FMN1: variants seen among roughly 807,000 people sequenced by gnomAD.
FMN1 encodes the protein formin-1.
FMN1 carries 110 observed loss-of-function variants against 132.4 expected under a neutral mutation model. The ratio of observed to expected loss-of-function variants is 0.83; its 90% CI spans 0.71 to 0.97. The LOEUF (loss-of-function observed/expected upper bound fraction) is 0.97, where lower values mean the gene tolerates loss of function less well. Among genes scored for constraint, FMN1 ranks in the 50% least tolerant of loss-of-function variants. The pLI, the probability that FMN1 is intolerant of heterozygous loss-of-function variation, is 0.00. For missense variants in FMN1, 1,792 were observed against 1,705.3 expected, an observed-to-expected ratio of 1.05 and a Z score of -0.90; for synonymous variants, 722 against 651.7, an observed-to-expected ratio of 1.11 and a Z score of -1.64.
chr15:32,901,752 T>TAC (rs991226656), intron 13 of FMN1, among the ~76,000 whole-genome samples, 159 bp downstream of exon 13: 35 of 151,974 alleles, frequency 2.3e-4, no homozygotes, highest in African/African-American at 8.0e-4. Flanking sequence ...CTCTCTCTCA[T>TAC]ACACACACAC....
chr15:33,007,619 C>T (rs2034486384), intron 7 of FMN1, among the ~76,000 whole-genome samples: 1 of 152,098 alleles, frequency 6.6e-6, no homozygotes, highest in Non-Finnish European at 1.5e-5. Context: ...CATCATATTG[C>T]AGGGATGTGC....
At chr15:33,083,653 A>T (rs544143118) in intron 5 of FMN1, among the ~76,000 whole-genome samples, 1 of 152,164 alleles carries the variant, frequency 6.6e-6, no homozygotes, top group Non-Finnish European at 1.5e-5. Context: ...ATCCTTTGTA[A>T]TAAATTGGTA....
chr15:32,811,639 C>T (rs2057881131), intron 17 of FMN1, among the ~76,000 whole-genome samples: 1 of 151,312 alleles, frequency 6.6e-6, no homozygotes, highest in South Asian at 2.1e-4. Context: ...TCAGACTTTG[C>T]AGACCTTGTC....
chr15:33,062,043 C>T (rs917783501), intron 6 of FMN1, among the ~76,000 whole-genome samples: 7 of 152,034 alleles, frequency 4.6e-5, no homozygotes, highest in African/African-American at 1.2e-4. Flanking sequence ...AACTTCCACA[C>T]ATCAGACAAC....
At position 33,058,528 on chromosome 15, in the gene FMN1, A is replaced by T. The variant is rs2037338744; in HGVS notation, c.2161+6429T>A. 2.0e-5 allele frequency among the ~76,000 whole-genome samples: 3 copies of T among 152,232 alleles called. No homozygotes were observed. The South Asian group carries it at 6.2e-4, about 32-fold the overall frequency. On this transcript the variant is annotated intron_variant, in intron 6 of 20. Coordinates refer to ENST00000616417, the MANE Select transcript of FMN1 (RefSeq NM_001277313.2). The stretch of plus-strand genomic sequence containing the variant: ...GAATGAACCTCACCTTAACTTTCCA[A>T]GAATCCACAGCCTAGAAGCATTTTT...
chr15:32,930,270 A>T (rs536731920), intron 9 of FMN1, among the ~76,000 whole-genome samples: 47 of 152,208 alleles, frequency 3.1e-4, no homozygotes, highest in African/African-American at 1.1e-3. Flanking sequence ...TACAGGCGTG[A>T]GCCACCGTCC....
At chr15:33,112,414 A>T (rs1407941058) in intron 4 of FMN1, among the ~76,000 whole-genome samples, 4 of 152,190 alleles carry the variant, frequency 2.6e-5, no homozygotes, top group African/African-American at 9.6e-5. Flanking sequence ...GTTTTCTTAC[A>T]TAATTCTTTT....
At chr15:32,974,466 T>C (rs1036801713) in intron 7 of FMN1, among the ~76,000 whole-genome samples, 22 of 152,214 alleles carry the variant, frequency 1.4e-4, no homozygotes, top group Non-Finnish European at 5.9e-5. Context: ...GAGAGGACAA[T>C]GCCAATTAAA....
At chr15:32,930,021 G>A (rs144396647) in intron 9 of FMN1, among the ~76,000 whole-genome samples, 28 of 108,076 alleles carry the variant, frequency 2.6e-4, no homozygotes, top group African/African-American at 8.5e-4. Context: ...CTGGAGTCTC[G>A]TTCTGTCATC....
intron 7 of FMN1, among the ~76,000 whole-genome samples, chr15:33,001,566 TC>T (rs398026773): frequency 3.4e-4 from 33 of 96,706 alleles, no homozygotes; most frequent in African/African-American, 1.2e-3. Context: ...TCCTCCCACT[TC>T]CCCCCCCACC....
chr15:32,869,132 G>A (rs1051309550), intron 16 of FMN1, among the ~76,000 whole-genome samples: 4 of 152,140 alleles, frequency 2.6e-5, no homozygotes, highest in Admixed American at 6.5e-5. Flanking sequence ...TGATGAGAAC[G>A]CACGGGCCAT....
chr15:33,086,488 A>G (rs1238888881), intron 5 of FMN1, among the ~76,000 whole-genome samples: 1 of 152,134 alleles, frequency 6.6e-6, no homozygotes, highest in Non-Finnish European at 1.5e-5. Context: ...TAATTGTAAA[A>G]AATTAAGTAA....
intron 3 of FMN1, among the ~76,000 whole-genome samples, chr15:33,162,379 C>T (rs1229103539): frequency 6.6e-6 from 1 of 151,320 alleles, no homozygotes; most frequent in African/African-American, 2.4e-5. Context: ...CTACAATACA[C>T]AGCAGAAAGA....
intron 4 of FMN1, among the ~76,000 whole-genome samples, chr15:33,118,343 C>T (rs2040007903): frequency 6.6e-6 from 1 of 151,996 alleles, no homozygotes; most frequent in Non-Finnish European, 1.5e-5. Context: ...GATGATTGTC[C>T]AAACACAAAA....
At chr15:32,785,228 T>TTTTTTTG (rs2056835198) in intron 19 of FMN1, among the ~76,000 whole-genome samples, 1 of 111,628 alleles carries the variant, frequency 9.0e-6, no homozygotes, top group African/African-American at 3.3e-5. Flanking sequence ...ATTTTTTTTT[T>TTTTTTTG]TTTTTTTTTG....
rs141310195 is a variant in FMN1 at position 32,925,783 on chromosome 15, G to A, written c.3226+391C>T. Among the ~76,000 whole-genome samples, 1,325 of 152,252 alleles carry A rather than the reference G, an allele frequency of 8.7e-3. 23 individuals are homozygous for A. The highest frequency in any genetic ancestry group is 0.03 in the African/African-American group (1,256 of 41,552). ...TTGTTTGGAAAAGTACCCCTGGGCC[G>A]GGCGCAGTGGCTCATGCCTGTAATC... On this transcript the variant is annotated intron_variant, in intron 10 of 20. Transcript: ENST00000616417.
chr15:33,070,859 G>GTTA (rs767490030), intron 5 of FMN1, among the ~76,000 whole-genome samples: 3 of 152,258 alleles, frequency 2.0e-5, no homozygotes, highest in South Asian at 2.1e-4. Context: ...ATTATGAGTT[G>GTTA]TTATTATTAT....
At position 33,070,404 on chromosome 15, in the gene FMN1, T is replaced by TA. The variant is rs1555393576; in HGVS notation, c.2044-5331dup. Among the ~76,000 whole-genome samples, 418 of 139,994 alleles carry TA rather than the reference T, an allele frequency of 3.0e-3. 3 individuals carry two copies. The highest frequency in any genetic ancestry group is 0.01 in the African/African-American group (392 of 38,290). 91.8% of individuals were successfully genotyped at this position (139,994 alleles called of 152,430 possible). ...ATTTGGTCTTTTTTTTTTTTTTTTT[T>TA]ATGAACTGAAAAGACTCAATTTCTC... On this transcript the variant is annotated intron_variant, in intron 5 of 20. Coordinates refer to ENST00000616417, the MANE Select transcript of FMN1 (RefSeq NM_001277313.2).
At chr15:33,133,755 C>G (rs1366461982) in intron 4 of FMN1, among the ~76,000 whole-genome samples, 1 of 152,100 alleles carries the variant, frequency 6.6e-6, no homozygotes, top group African/African-American at 2.4e-5. Flanking sequence ...TAACTAAGGG[C>G]AAATATATCA....
Sources: allele counts gnomAD v4.1 joint callset (sites outside exome capture counted in the v4.1 genomes callset), GRCh38; gene constraint gnomAD v4.1.1; transcripts MANE v1.5; gene names NCBI Gene and HGNC (gene_info 2026-07-23, HGNC 2026-07-21).